Variants in RHOJ observed in about 807,000 individuals in gnomAD.
RHOJ encodes the protein rho-related GTP-binding protein RhoJ.
In RHOJ, 11 loss-of-function variants were observed where a neutral mutation model predicts 23.4. The observed-to-expected ratio is 0.47, with a 90% CI of 0.30 to 0.78. RHOJ has a LOEUF of 0.78. Ranked by LOEUF, RHOJ falls within the 30% of genes least tolerant of loss-of-function variation. The pLI is 0.08. For missense variants in RHOJ, 254 were observed against 273.4 expected (o/e 0.93, Z 0.50); for synonymous variants, 102 against 102.7 (o/e 0.99, Z 0.04).
intron 2 of RHOJ, chr14:63,269,409 A>C: frequency 2.7e-6 from 1 of 370,178 alleles, no homozygotes; most frequent in Non-Finnish European, 4.8e-6. Flanking sequence ...TTGACTGATG[A>C]CCATCAAAAA....
At chr14:63,243,540 A>T (rs1309660253) in intron 1 of RHOJ, among the ~76,000 whole-genome samples, 1 of 152,090 alleles carries the variant, frequency 6.6e-6, no homozygotes. Context: ...GGGTTTCCCC[A>T]TGTTGGCCAG....
At chr14:63,251,308 T>G (rs548669458) in intron 1 of RHOJ, among the ~76,000 whole-genome samples, 1 of 152,328 alleles carries the variant, frequency 6.6e-6, no homozygotes, top group East Asian at 1.9e-4. Context: ...GAAGTATGTT[T>G]TATTGTACCA....
intron 1 of RHOJ, among the ~76,000 whole-genome samples, chr14:63,225,951 T>A (rs537768522): frequency 6.6e-6 from 1 of 152,296 alleles, no homozygotes; most frequent in South Asian, 2.1e-4. Context: ...CATATTTTTC[T>A]GAAGACATAG....
intron 4 of RHOJ, among the ~76,000 whole-genome samples, chr14:63,286,425 A>G (rs1882084290): frequency 6.6e-6 from 1 of 152,164 alleles, no homozygotes; most frequent in African/African-American, 2.4e-5. Context: ...GGATGAGGAA[A>G]AGTTTTTCAG....
Position 63,204,764 on chromosome 14 carries a change from A to T in RHOJ, c.-106A>T, listed in dbSNP as rs1444478450. ...TATGATCCAAGGTACCCAAAGTCAG[A>T]CAGAGTAAACTCAAGCCTGGCACTG... On this transcript the variant is annotated 5_prime_UTR_variant, in exon 1 of 5. Coordinates refer to ENST00000316754, the MANE Select transcript of RHOJ (RefSeq NM_020663.5). The T allele has an allele frequency of 1.7e-6, 2 of 1,153,450 alleles. No homozygotes were observed. The highest frequency in any genetic ancestry group is 2.5e-6 in the Non-Finnish European group (2 of 796,804). 71.5% of individuals were successfully genotyped at this position (1,153,450 alleles called of 1,614,324 possible).
At chr14:63,252,564 T>A (rs908116841) in intron 1 of RHOJ, among the ~76,000 whole-genome samples, 1 of 152,098 alleles carries the variant, frequency 6.6e-6, no homozygotes, top group Admixed American at 6.5e-5. Flanking sequence ...AAGAAAAACA[T>A]CCTTCCTAAT....
intron 1 of RHOJ, among the ~76,000 whole-genome samples, chr14:63,215,764 T>C (rs2139731706): frequency 6.6e-6 from 1 of 152,166 alleles, no homozygotes; most frequent in Middle Eastern, 3.4e-3. Context: ...ATAATTTTCT[T>C]TGTTTATTTA....
chr14:63,235,065 C>T (rs1276028537), intron 1 of RHOJ, among the ~76,000 whole-genome samples: 1 of 152,056 alleles, frequency 6.6e-6, no homozygotes, highest in Non-Finnish European at 1.5e-5. Flanking sequence ...AAGGTGAAAG[C>T]ACTTTGGTGA....
intron 1 of RHOJ, among the ~76,000 whole-genome samples, chr14:63,240,319 T>G (rs1227329900): frequency 1.3e-5 from 2 of 152,218 alleles, no homozygotes; most frequent in East Asian, 3.8e-4. Context: ...TTTATTATTG[T>G]CATCAAAACC....
intron 1 of RHOJ, among the ~76,000 whole-genome samples, chr14:63,258,183 A>G (rs1206389295): frequency 5.4e-5 from 7 of 129,338 alleles, no homozygotes; most frequent in East Asian, 3.1e-4. Context: ...AGCCAAGATC[A>G]CGCCATTGCA....
At chr14:63,207,071 G>A (rs1209482558) in intron 1 of RHOJ, among the ~76,000 whole-genome samples, 11 of 147,860 alleles carry the variant, frequency 7.4e-5, no homozygotes, top group South Asian at 2.1e-4. Flanking sequence ...TTGCTCTGTC[G>A]CCCAGGCTGG....
intron 4 of RHOJ, among the ~76,000 whole-genome samples, chr14:63,288,638 A>G (rs1051093699): frequency 4.6e-5 from 7 of 152,186 alleles, no homozygotes; most frequent in Non-Finnish European, 8.8e-5. Flanking sequence ...AACTGTTTTT[A>G]ATTATTTAAA....
intron 1 of RHOJ, among the ~76,000 whole-genome samples, chr14:63,249,888 C>T (rs529912528): frequency 1.3e-5 from 2 of 152,276 alleles, no homozygotes; most frequent in African/African-American, 2.4e-5. Context: ...AGTAGAACCA[C>T]GTTAGAGACA....
chr14:63,261,865 G>A (rs768965587), intron 1 of RHOJ, among the ~76,000 whole-genome samples: 1 of 152,124 alleles, frequency 6.6e-6, no homozygotes, highest in East Asian at 1.9e-4. Context: ...TCCTATATTC[G>A]CATGAAAGCT....
chr14:63,234,156 C>T (rs1213666027), intron 1 of RHOJ, among the ~76,000 whole-genome samples: 1 of 152,220 alleles, frequency 6.6e-6, no homozygotes, highest in Non-Finnish European at 1.5e-5. Flanking sequence ...TTCTCTATTT[C>T]CCCAGATGTT....
chr14:63,236,304 G>T (rs1292014627), intron 1 of RHOJ, among the ~76,000 whole-genome samples: 1 of 152,122 alleles, frequency 6.6e-6, no homozygotes, highest in Non-Finnish European at 1.5e-5. Flanking sequence ...TTTTTTTCAA[G>T]GTCTGTGTAT....
intron 2 of RHOJ, among the ~76,000 whole-genome samples, chr14:63,276,057 G>A (rs185803512): frequency 8.2e-4 from 125 of 152,280 alleles, no homozygotes; most frequent in African/African-American, 3.0e-3. Flanking sequence ...TACTCCATCT[G>A]TCTAGACCTT....
At chr14:63,213,130 A>T (rs985684074) in intron 1 of RHOJ, among the ~76,000 whole-genome samples, 3 of 152,240 alleles carry the variant, frequency 2.0e-5, no homozygotes, top group Non-Finnish European at 4.4e-5. Context: ...ATTTTCTTAC[A>T]TAATTGCAAC....
chr14:63,263,517 C>T (rs571992003), intron 1 of RHOJ, among the ~76,000 whole-genome samples: 52 of 152,216 alleles, frequency 3.4e-4, no homozygotes, highest in Non-Finnish European at 5.9e-4. Flanking sequence ...TCTGATAGAA[C>T]GAGAGAATAA....
Sources: allele counts gnomAD v4.1 joint callset (sites outside exome capture counted in the v4.1 genomes callset), GRCh38; gene constraint gnomAD v4.1.1; transcripts MANE v1.5; gene names NCBI Gene and HGNC (gene_info 2026-07-23, HGNC 2026-07-21).